The following SIGLEC15 variants were observed in gnomAD, a reference collection of about 807,000 sequenced individuals.
The protein encoded by SIGLEC15 is sialic acid-binding Ig-like lectin 15.
In SIGLEC15, 31 loss-of-function variants were observed where a neutral mutation model predicts 26.2. That is an observed-to-expected ratio of 1.18 (90% CI 0.89 to 1.60). The LOEUF (loss-of-function observed/expected upper bound fraction) is 1.60. Ranked by LOEUF, SIGLEC15 falls within the 40% of genes most tolerant of loss-of-function variation. SIGLEC15 has a pLI of 0.00. For synonymous variants in SIGLEC15, 207 were observed against 221.9 expected (o/e 0.93, Z 0.60); for missense variants, 501 against 488.4 (o/e 1.03, Z -0.24).
In SIGLEC15 at chr18:45,842,150, AC is replaced by A. The variant is rs1981310700; in HGVS notation, c.955del (p.Arg319GlyfsTer85). Reference protein sequence around the residue: ...ESNYENLSQMNPRSPPATMCS... With the variant: ...ESNYENLSQMXPRSPPATMCS... Reference sequence around the variant, plus strand: ...AATTATGAAAATTTGAGCCAGATGAACCCCCGGAGCCCACCAGCCACCATGT... The same window carrying A: ...AATTATGAAAATTTGAGCCAGATGAACCCCGGAGCCCACCAGCCACCATGT... On this transcript the variant is annotated frameshift_variant, in exon 6 of 6. Coordinates refer to ENST00000389474, the MANE Select transcript of SIGLEC15 (RefSeq NM_213602.3). LOFTEE classifies it low-confidence loss of function (END_TRUNC). 1 of 1,613,824 alleles carries A rather than the reference AC, an allele frequency of 6.2e-7. No individual in the cohort carries two copies. Among genetic ancestry groups the A allele is most frequent in the African/African-American group, 1.3e-5 (1 of 74,926 alleles).
At chr18:45,835,313 G>A (rs570155052) in intron 1 of SIGLEC15, among the ~76,000 whole-genome samples, 25 of 152,320 alleles carry the variant, frequency 1.6e-4, no homozygotes, top group South Asian at 6.2e-4. Context: ...ATGTGCACTA[G>A]AGAGAAAAAG....
chr18:45,829,049 C>A, intron 1 of SIGLEC15: 1 of 976,166 alleles, frequency 1.0e-6, no homozygotes, highest in Non-Finnish European at 1.2e-6. Flanking sequence ...GAGCAGGGAT[C>A]ACTATGGAGG....
chr18:45,839,165 C>G, intron 4 of SIGLEC15, 70 bp downstream of exon 4: 5 of 1,336,620 alleles, frequency 3.7e-6, no homozygotes, highest in Non-Finnish European at 4.8e-6. Context: ...GATAAGACCA[C>G]CTGGCTGACC....
intron 5 of SIGLEC15, chr18:45,840,894 C>T (rs961160752): frequency 2.6e-5 from 4 of 152,374 alleles, no homozygotes; most frequent in Admixed American, 2.0e-4. Flanking sequence ...AGTCCCACAA[C>T]CTGTCCTGTG....
chr18:45,840,385 C>T (rs1160882142), intron 5 of SIGLEC15, 144 bp downstream of exon 5: 19 of 902,370 alleles, frequency 2.1e-5, no homozygotes, highest in Non-Finnish European at 3.0e-5. Context: ...TTCCTTGCAG[C>T]CCACCAAGGC....
chr18:45,838,555 T>A lies in SIGLEC15; in HGVS notation c.497-163T>A, dbSNP rs113689113. Reference sequence around the variant, plus strand: ...CATGGAGAAGCAGAAGCAGAGATGATAGAATCTTTCGCCCAAGGCCACATC... The same window carrying A: ...CATGGAGAAGCAGAAGCAGAGATGAAAGAATCTTTCGCCCAAGGCCACATC... On this transcript the variant is annotated intron_variant, in intron 3 of 5. Transcript: ENST00000389474. 7.0e-3 allele frequency: 6,214 copies of A among 881,444 alleles called. 234 individuals carry two copies. The African/African-American group carries it at 0.091, about 13-fold the overall frequency. The allele number at this position is 881,444 out of a possible 1,614,324, so 54.6% of individuals were successfully genotyped here. A position where few individuals can be genotyped will look rare whatever the true frequency, so the allele number is the denominator to read the frequency against.
At chr18:45,837,452 C>G (rs2048284470) in intron 2 of SIGLEC15, 61 bp from the exon 3 acceptor site, 1 of 1,419,136 alleles carries the variant, frequency 7.0e-7, no homozygotes. Flanking sequence ...GTTTCCAGGC[C>G]CCGGGTGCGG....
At position 45,837,016 on chromosome 18, in the gene SIGLEC15, T is replaced by A; in HGVS notation, c.53-13T>A. ...TTCACGTGTAACCCGGGGTTAACTGTGTTTATCTGTAGGCTCATTTGTGAG... is the reference window on the plus strand; with the variant it reads ...TTCACGTGTAACCCGGGGTTAACTGAGTTTATCTGTAGGCTCATTTGTGAG... On this transcript the variant is annotated splice_polypyrimidine_tract_variant and intron_variant, in intron 1 of 5. Coordinates refer to ENST00000389474, the MANE Select transcript of SIGLEC15 (RefSeq NM_213602.3). 7.7e-7 allele frequency: 1 copy of A among 1,295,230 alleles called. No individual in the cohort carries two copies. Among genetic ancestry groups the A allele is most frequent in the Non-Finnish European group, 1.1e-6 (1 of 889,432 alleles). The allele number at this position is 1,295,230 out of a possible 1,614,324, so 80.2% of individuals were successfully genotyped here.
chr18:45,831,782 G>A (rs974091624), intron 1 of SIGLEC15, among the ~76,000 whole-genome samples: 1 of 149,260 alleles, frequency 6.7e-6, no homozygotes, highest in Admixed American at 6.7e-5. Context: ...TTGTTGCCCA[G>A]GCTGGAGTAC....
Position 45,837,105 on chromosome 18 carries a change from T to A in SIGLEC15, c.112+17T>A. 1 of 1,612,758 alleles carries A rather than the reference T, an allele frequency of 6.2e-7. No individual in the cohort carries two copies. Among genetic ancestry groups the A allele is most frequent in the African/African-American group, 1.3e-5 (1 of 75,026 alleles). The stretch of plus-strand genomic sequence containing the variant: ...AGGTGCACAGTAAGTGCTTTTATTA[T>A]TATCACCATCTCGGGGATCTTGGGA... On this transcript the variant is annotated intron_variant, in intron 2 of 5. Coordinates refer to ENST00000389474, the MANE Select transcript of SIGLEC15 (RefSeq NM_213602.3).
chr18:45,825,999 T>A (rs2048182399), intron 1 of SIGLEC15, among the ~76,000 whole-genome samples: 1 of 152,160 alleles, frequency 6.6e-6, no homozygotes. Context: ...GCACTCCATG[T>A]CTCTGGCTTC....
chr18:45,837,717 C>A lies in SIGLEC15; in HGVS notation c.317C>A (p.Thr106Lys), dbSNP rs777598397. 1 of 1,493,298 alleles carries A rather than the reference C, an allele frequency of 6.7e-7. No homozygotes were observed. The highest frequency in any genetic ancestry group is 8.8e-7 in the Non-Finnish European group (1 of 1,130,058). The allele number at this position is 1,493,298 out of a possible 1,614,324, so 92.5% of individuals were successfully genotyped here. A position where few individuals can be genotyped will look rare whatever the true frequency, so the allele number is the denominator to read the frequency against. The change falls in exon 3 of 6, where the codon ACG (threonine) becomes AAG (lysine). Residue 106 changes from threonine (T) to lysine (K), a missense_variant. Thr to Lys is a moderately conservative substitution (Grantham distance 78, BLOSUM62 -1). Coordinates refer to ENST00000389474, the MANE Select transcript of SIGLEC15 (RefSeq NM_213602.3). ...GCGCGGGGCAGCGAGCTCTGCCAGA[C>A]GGCGCTGAGCCTGCACGGCCGCTTC... is the stretch of plus-strand genomic sequence containing the variant. The part of the protein sequence containing the change: ...AAARGSELCQ[T>K]ALSLHGRFRL...
chr18:45,835,341 T>A (rs1599393142), intron 1 of SIGLEC15, among the ~76,000 whole-genome samples: 1 of 152,158 alleles, frequency 6.6e-6, no homozygotes, highest in East Asian at 1.9e-4. Context: ...AAAATGACCC[T>A]GTATGGTAAT....
At chr18:45,829,618 C>A (rs2048215799) in intron 1 of SIGLEC15, among the ~76,000 whole-genome samples, 1 of 152,128 alleles carries the variant, frequency 6.6e-6, no homozygotes, top group African/African-American at 2.4e-5. Flanking sequence ...GGAAGTGCCA[C>A]CCCCGGAGCC....
chr18:45,840,083 G>A (rs375211994), intron 4 of SIGLEC15, 128 bp from the exon 5 acceptor site: 20 of 988,652 alleles, frequency 2.0e-5, no homozygotes, highest in African/African-American at 1.3e-4. Context: ...CACCCTGCTA[G>A]TCTGCTGTTT....
intron 1 of SIGLEC15, among the ~76,000 whole-genome samples, chr18:45,830,582 T>G (rs1349226610): frequency 8.3e-6 from 1 of 120,046 alleles, no homozygotes. Context: ...TATTTTTCTT[T>G]CTTTTTTTTT....
intron 1 of SIGLEC15, among the ~76,000 whole-genome samples, chr18:45,834,594 C>T (rs530567199): frequency 3.3e-5 from 5 of 152,196 alleles, no homozygotes; most frequent in Admixed American, 1.3e-4. Flanking sequence ...CCCATCTTTA[C>T]GGCATCTGGC....
intron 1 of SIGLEC15, among the ~76,000 whole-genome samples, chr18:45,834,193 T>C (rs1311253412): frequency 1.3e-5 from 2 of 152,136 alleles, no homozygotes; most frequent in African/African-American, 4.8e-5. Context: ...GCCTGCCTAA[T>C]ACACCCCTAC....
Position 45,842,250 on chromosome 18 carries a change from T to C in SIGLEC15, c.*63T>C. On this transcript the variant is annotated 3_prime_UTR_variant, in exon 6 of 6. Coordinates refer to ENST00000389474, the MANE Select transcript of SIGLEC15 (RefSeq NM_213602.3). ...AAAGAACAAAGGCCAGTGCGAGGCT[T>C]GGCTGGCACAGCCAGTCCTGGTTCT... 4 of 1,577,736 alleles carry C rather than the reference T, an allele frequency of 2.5e-6. No individual in the cohort carries two copies. The highest frequency in any genetic ancestry group is 3.5e-6 in the Non-Finnish European group (4 of 1,147,402).
Sources: gnomAD v4.1 joint callset for allele counts (sites outside exome capture counted in the v4.1 genomes callset) on GRCh38, gnomAD v4.1.1 for gene constraint, MANE v1.5 for transcripts, NCBI Gene and HGNC (gene_info 2026-07-23, HGNC 2026-07-21) for gene names.